Variants in FHIP2A observed in about 807,000 individuals in gnomAD.
FHIP2A encodes the protein family with sequence similarity 160 member B1.
Under a neutral mutation model 93.5 loss-of-function variants are expected in FHIP2A, and 46 were observed. The observed-to-expected ratio is 0.49, with a 90% CI of 0.39 to 0.63. The LOEUF is 0.63. Ranked by LOEUF, FHIP2A falls within the 20% of genes least tolerant of loss-of-function variation. The probability of loss-of-function intolerance (pLI) is 0.00; values close to 1 mark genes in which losing one functional copy is unlikely to be tolerated. For synonymous variants in FHIP2A, 332 were observed against 326.5 expected, an observed-to-expected ratio of 1.02 and a Z score of -0.18; for missense variants, 769 against 909.7, an observed-to-expected ratio of 0.85 and a Z score of 1.99.
At chr10:114,841,277 T>C (rs1423075217) in intron 5 of FHIP2A, among the ~76,000 whole-genome samples, 3 of 150,972 alleles carry the variant, frequency 2.0e-5, no homozygotes, top group Admixed American at 6.7e-5. Context: ...TCATAAAGAG[T>C]ATGATATGCC....
At chr10:114,844,701 G>A (rs972753734) in intron 7 of FHIP2A, among the ~76,000 whole-genome samples, 9 of 152,060 alleles carry the variant, frequency 5.9e-5, no homozygotes, top group African/African-American at 2.2e-4. Context: ...CCATCTTTTC[G>A]TTGATGTTAC....
intron 16 of FHIP2A, among the ~76,000 whole-genome samples, chr10:114,895,187 C>T (rs2083994987): frequency 6.6e-6 from 1 of 152,182 alleles, no homozygotes; most frequent in South Asian, 2.1e-4. Context: ...TTCCTGCTGA[C>T]AATGCATCAC....
At chr10:114,834,124 A>G (rs991199087) in intron 3 of FHIP2A, among the ~76,000 whole-genome samples, 2 of 152,206 alleles carry the variant, frequency 1.3e-5, no homozygotes, top group African/African-American at 2.4e-5. Flanking sequence ...GATATATGTG[A>G]AAAAAATTAG....
intron 1 of FHIP2A, among the ~76,000 whole-genome samples, chr10:114,822,950 A>C (rs2083546000): frequency 6.6e-6 from 1 of 152,270 alleles, no homozygotes; most frequent in African/African-American, 2.4e-5. Context: ...AAAGAAACTA[A>C]AAAGAAAATG....
At chr10:114,829,107 G>A (rs768513351) in intron 1 of FHIP2A, among the ~76,000 whole-genome samples, 29 of 152,200 alleles carry the variant, frequency 1.9e-4, no homozygotes, top group South Asian at 6.2e-4. Flanking sequence ...TTTAGAGGAA[G>A]TCTATGAAAA....
intron 16 of FHIP2A, among the ~76,000 whole-genome samples, chr10:114,883,726 C>T (rs2083928041): frequency 6.6e-6 from 1 of 152,166 alleles, no homozygotes; most frequent in Non-Finnish European, 1.5e-5. Flanking sequence ...GGACTACAGG[C>T]ATGCACCACC....
At chr10:114,884,267 GAACAAA>G (rs1307898703) in intron 16 of FHIP2A, among the ~76,000 whole-genome samples, 1 of 152,090 alleles carries the variant, frequency 6.6e-6, no homozygotes, top group Non-Finnish European at 1.5e-5. Flanking sequence ...AAAGATCTCT[GAACAAA>G]AAATCAATGT....
At chr10:114,849,015 G>A (rs1005031338) in intron 13 of FHIP2A, among the ~76,000 whole-genome samples, 1 of 150,854 alleles carries the variant, frequency 6.6e-6, no homozygotes, top group Non-Finnish European at 1.5e-5. Flanking sequence ...GGTGACAGGC[G>A]CCTGTAGTCC....
At position 114,861,746 on chromosome 10, in the gene FHIP2A, T is replaced by G; in HGVS notation, c.*206T>G. ...GTTTTCATTGGCTTTATCATAATGG[T>G]TCTATATATACAATTGCACATTGTT... On this transcript the variant is annotated 3_prime_UTR_variant, in exon 17 of 17. Coordinates refer to ENST00000369248, the MANE Select transcript of FHIP2A (RefSeq NM_020940.4). The G allele has an allele frequency of 7.5e-7, 1 of 1,325,396 alleles. No homozygotes were observed. The highest frequency in any genetic ancestry group is 9.7e-7 in the Non-Finnish European group (1 of 1,036,226). 82.1% of individuals were successfully genotyped at this position (1,325,396 alleles called of 1,614,324 possible). A position where few individuals can be genotyped will look rare whatever the true frequency, so the allele number is the denominator to read the frequency against.
At chr10:114,899,608 C>T (rs1055793027) in exon 17 of FHIP2A, 22 of 711,422 alleles carry the variant, frequency 3.1e-5, no homozygotes, top group Non-Finnish European at 5.8e-5. Context: ...CTTGGATCAA[C>T]TGCCCACCCT....
chr10:114,887,032 T>C (rs546675666), intron 16 of FHIP2A, among the ~76,000 whole-genome samples: 1 of 152,312 alleles, frequency 6.6e-6, no homozygotes, highest in Admixed American at 6.5e-5. Context: ...GCATCATGTC[T>C]GTCCAACTCA....
At chr10:114,831,442 C>A (rs1354652252) in intron 2 of FHIP2A, among the ~76,000 whole-genome samples, 1 of 152,112 alleles carries the variant, frequency 6.6e-6, no homozygotes, top group Non-Finnish European at 1.5e-5. Flanking sequence ...AATTCACAAA[C>A]CCTCAGGCCA....
At chr10:114,839,581 A>G (rs889155691) in intron 5 of FHIP2A, among the ~76,000 whole-genome samples, 5 of 152,330 alleles carry the variant, frequency 3.3e-5, no homozygotes, top group African/African-American at 1.2e-4. Context: ...TAGATGAGTT[A>G]GAAACAGTCT....
At chr10:114,897,440 T>C (rs2084006331) in intron 16 of FHIP2A, among the ~76,000 whole-genome samples, 1 of 152,236 alleles carries the variant, frequency 6.6e-6, no homozygotes, top group Non-Finnish European at 1.5e-5. Context: ...ATTAAATGTA[T>C]GTTCAAATGC....
At chr10:114,858,065 T>G (rs2083777330) in intron 14 of FHIP2A, among the ~76,000 whole-genome samples, 1 of 152,240 alleles carries the variant, frequency 6.6e-6, no homozygotes, top group Admixed American at 6.5e-5. Context: ...TATCTCAAAA[T>G]TTGAGTTCAG....
intron 4 of FHIP2A, 40 bp from the exon 5 acceptor site, chr10:114,836,084 T>A (rs2143010435): frequency 6.7e-7 from 1 of 1,491,384 alleles, no homozygotes; most frequent in Non-Finnish European, 9.1e-7. Context: ...TTGTAAAAAG[T>A]AGCCTAAGTT....
At position 114,872,230 on chromosome 10, in the gene FHIP2A, G is replaced by T. The variant is rs558953379; in HGVS notation, c.2192+10896G>T. Among the ~76,000 whole-genome samples the T allele has an allele frequency of 2.0e-5, 3 of 152,166 alleles. No homozygotes were observed. The South Asian group carries it at 6.2e-4, about 32-fold the overall frequency. ...GACAAAAACTTCCACTGTCAGAGAGGCCTTGGGTTCAAAGCTTCACAAGGC... is the reference window on the plus strand; with the variant it reads ...GACAAAAACTTCCACTGTCAGAGAGTCCTTGGGTTCAAAGCTTCACAAGGC... On this transcript the variant is annotated intron_variant, in intron 16 of 16. Transcript: ENST00000369250.
intron 1 of FHIP2A, among the ~76,000 whole-genome samples, chr10:114,829,866 T>A (rs1258897502): frequency 2.6e-5 from 4 of 152,258 alleles, no homozygotes; most frequent in Non-Finnish European, 4.4e-5. Context: ...CTTGTAGGTT[T>A]GCTATAAGAT....
chr10:114,839,558 T>A (rs897609064), intron 5 of FHIP2A, among the ~76,000 whole-genome samples: 5 of 152,178 alleles, frequency 3.3e-5, no homozygotes, highest in African/African-American at 1.2e-4. Flanking sequence ...TACTATTGGT[T>A]AAATATATAT....
Sources: gnomAD v4.1 joint callset for allele counts (sites outside exome capture counted in the v4.1 genomes callset) on GRCh38, gnomAD v4.1.1 for gene constraint, MANE v1.5 for transcripts, NCBI Gene and HGNC (gene_info 2026-07-23, HGNC 2026-07-21) for gene names.